Variants in ZNF14 observed in about 807,000 individuals in gnomAD.
ZNF14 encodes gonadotropin inducible transcription repressor-4.
ZNF14 carries 9 observed loss-of-function variants against 11.3 expected under a neutral mutation model. The ratio of observed to expected loss-of-function variants is 0.80; its 90% CI spans 0.48 to 1.39. The LOEUF (loss-of-function observed/expected upper bound fraction) is 1.39. ZNF14 is among the 40% of genes most tolerant of loss of function. ZNF14 has a pLI of 0.00. For missense variants in ZNF14, 711 were observed against 763.9 expected (o/e 0.93, Z 0.82); for synonymous variants, 239 against 245.7 (o/e 0.97, Z 0.25).
chr19:19,714,143 AC>A lies in ZNF14; in HGVS notation c.138del (p.Lys46AsnfsTer77). On this transcript the variant is annotated frameshift_variant, in exon 3 of 4. Coordinates refer to ENST00000344099, the MANE Select transcript of ZNF14 (RefSeq NM_021030.3). LOFTEE classifies it high-confidence loss of function. ...TCATCTTCAATGTCCTGGTCTTCCC[AC>A]TTTTTTCCTAAAATGCATACCCAGA... ...TFKNLVCLGK[K>X]WEDQDIEDDH... 6.2e-7 allele frequency: 1 copy of A among 1,612,874 alleles called. No homozygotes were observed. The highest frequency in any genetic ancestry group is 8.5e-7 in the Non-Finnish European group (1 of 1,179,618).
rs2062360246 is a variant in ZNF14 at position 19,711,603 on chromosome 19, G to C, written c.1678C>G (p.Gln560Glu). 1.2e-6 allele frequency: 2 copies of C among 1,613,684 alleles called. No homozygotes were observed. Among genetic ancestry groups the C allele is most frequent in the Admixed American group, 3.3e-5 (2 of 59,968 alleles). ...ERTHTGEKPY[Q>E]CKQCGKAFIS... ...AAGGCTTTTCCACATTGTTTACATT[G>C]ATACGGTTTCTCTCCAGTGTGAGTC... The change falls in exon 4 of 4, where the codon CAA becomes GAA. Residue 560 changes from glutamine to glutamate, a missense_variant. Transcript: ENST00000344099.
In ZNF14 at chr19:19,711,657, G is replaced by A. The variant is rs766275293; in HGVS notation, c.1624C>T (p.Arg542Cys). 9.3e-6 allele frequency: 15 copies of A among 1,613,072 alleles called. No individual in the cohort carries two copies. Among genetic ancestry groups the A allele is most frequent in the African/African-American group, 6.7e-5 (5 of 74,648 alleles). The change falls in exon 4 of 4, where the codon CGT becomes TGT. Residue 542 changes from arginine to cysteine, a missense_variant. By Grantham distance (180) the Arg-to-Cys change is radical (BLOSUM62 -3). Transcript: ENST00000344099. ...TCATGCAATCGAATTTGACTGGAAC[G>A]AAGGAAGGCCTTACCACATTGCTTA... ...ECKQCGKAFL[R>C]SSQIRLHERT...
rs2062409190 is a variant in ZNF14 at position 19,727,340 on chromosome 19, G to C, written c.3+5616C>G. ...TAGTTAATTTTTTTCTTTTTTTGTAGTGATGGGGTCTCCCTATGTTGCTGG... is the reference window on the plus strand; with the variant it reads ...TAGTTAATTTTTTTCTTTTTTTGTACTGATGGGGTCTCCCTATGTTGCTGG... On this transcript the variant is annotated intron_variant, in intron 1 of 3. Coordinates refer to ENST00000344099, the MANE Select transcript of ZNF14 (RefSeq NM_021030.3). 1.5e-5 allele frequency among the ~76,000 whole-genome samples: 2 copies of C among 133,126 alleles called. 1 individual carries two copies. The allele number at this position is 133,126 out of a possible 152,430, so 87.3% of individuals were successfully genotyped here.
rs142746958 is a variant in ZNF14 at position 19,716,188 on chromosome 19, A to C, written c.4-1701T>G. ...ACAAGCAGGGGCTAATGTGGATTGAATGTCTCACCAGCACCAAATGAGGGT... is the reference window on the plus strand; with the variant it reads ...ACAAGCAGGGGCTAATGTGGATTGACTGTCTCACCAGCACCAAATGAGGGT... On this transcript the variant is annotated intron_variant, in intron 1 of 3. Coordinates refer to ENST00000344099, the MANE Select transcript of ZNF14 (RefSeq NM_021030.3). Among the ~76,000 whole-genome samples the C allele has an allele frequency of 2.9e-3, 446 of 152,322 alleles. 8 individuals carry two copies. Among genetic ancestry groups the C allele is most frequent in the African/African-American group, 9.9e-3 (413 of 41,564 alleles).
At chr19:19,718,457 G>A (rs962507835) in intron 1 of ZNF14, among the ~76,000 whole-genome samples, 5 of 152,206 alleles carry the variant, frequency 3.3e-5, no homozygotes, top group Admixed American at 3.3e-4. Flanking sequence ...AACTGAAAAG[G>A]AGAAACAAGA....
intron 1 of ZNF14, among the ~76,000 whole-genome samples, chr19:19,730,190 A>AT (rs919409173): frequency 6.0e-5 from 9 of 151,056 alleles, no homozygotes; most frequent in South Asian, 2.1e-4. Flanking sequence ...GGCTCGGCTA[A>AT]TTTTTTTTTG....
chr19:19,732,732 G>A (rs1211006211), intron 1 of ZNF14, among the ~76,000 whole-genome samples: 4 of 152,220 alleles, frequency 2.6e-5, no homozygotes, highest in African/African-American at 4.8e-5. Flanking sequence ...TGCCCATAGA[G>A]GGCTCCAGGA....
rs971445257 is a variant in ZNF14 at position 19,724,374 on chromosome 19, C to T, written c.3+8582G>A. ...CATTCAGGAGCAGGTTGTTCAGTTT[C>T]GATGCAGTTGAGTGGTTTTGAGTTA... On this transcript the variant is annotated intron_variant, in intron 1 of 3. Transcript: ENST00000344099. Among the ~76,000 whole-genome samples, 7 of 134,172 alleles carry T rather than the reference C, an allele frequency of 5.2e-5. 2 individuals carry two copies. The highest frequency in any genetic ancestry group is 2.1e-4 in the East Asian group (1 of 4,760). 88.0% of individuals were successfully genotyped at this position (134,172 alleles called of 152,430 possible). A position where few individuals can be genotyped will look rare whatever the true frequency, so the allele number is the denominator to read the frequency against.
intron 1 of ZNF14, among the ~76,000 whole-genome samples, chr19:19,732,540 G>A (rs1351016413): frequency 1.3e-5 from 2 of 152,250 alleles, no homozygotes; most frequent in Admixed American, 1.3e-4. Flanking sequence ...GACCCCGGCA[G>A]CAAGGACCTA....
Position 19,712,029 on chromosome 19 carries a change from G to T in ZNF14, c.1252C>A (p.Pro418Thr). The T allele has an allele frequency of 6.2e-7, 1 of 1,613,992 alleles. No individual in the cohort carries two copies. The change falls in exon 4 of 4, where the codon CCC becomes ACC. Residue 418 changes from proline to threonine, a missense_variant. Physicochemically the swap from Pro to Thr is conservative, Grantham distance 38. Transcript: ENST00000344099. ...EHETTHTGEK[P>T]YECKQCGKTF... The stretch of plus-strand genomic sequence containing the variant: ...TTACCACATTGTTTACATTCATAGG[G>T]TTTCTCTCCAGTGTGAGTTGTTTCG...
Position 19,711,325 on chromosome 19 carries a change from G to A in ZNF14, c.*27C>T, listed in dbSNP as rs754995377. 6.6e-6 allele frequency: 10 copies of A among 1,525,658 alleles called. No homozygotes were observed. Among genetic ancestry groups the A allele is most frequent in the Middle Eastern group, 1.8e-4 (1 of 5,664 alleles). The allele number at this position is 1,525,658 out of a possible 1,614,324, so 94.5% of individuals were successfully genotyped here. ...GTATTCAGAAGGAGCTGGAACAACC[G>A]AAGGCTTCAGAATGTTGCTTATATT... On this transcript the variant is annotated 3_prime_UTR_variant, in exon 4 of 4. Coordinates refer to ENST00000344099, the MANE Select transcript of ZNF14 (RefSeq NM_021030.3).
rs3031866 is a variant in ZNF14 at position 19,714,713 on chromosome 19, C to CT, written c.4-227dup. ...TTTTTTCTTTTTCCTTTTTCTTTTT[C>CT]TTTTTTTTTTTTTTTTGAGACAGAG... On this transcript the variant is annotated intron_variant, in intron 1 of 3. Transcript: ENST00000344099. 7.1e-3 allele frequency among the ~76,000 whole-genome samples: 870 copies of CT among 122,808 alleles called. 15 individuals are homozygous for CT. Among genetic ancestry groups the CT allele is most frequent in the African/African-American group, 0.018 (614 of 33,840 alleles). 80.6% of individuals were successfully genotyped at this position (122,808 alleles called of 152,430 possible). A position where few individuals can be genotyped will look rare whatever the true frequency, so the allele number is the denominator to read the frequency against.
At chr19:19,731,547 G>A (rs527404778) in intron 1 of ZNF14, among the ~76,000 whole-genome samples, 13 of 151,970 alleles carry the variant, frequency 8.6e-5, no homozygotes, top group African/African-American at 3.1e-4. Context: ...TTGCACTCCA[G>A]CCTGGGCGAC....
chr19:19,723,372 G>C (rs145256009), intron 1 of ZNF14, among the ~76,000 whole-genome samples: 9,049 of 152,198 alleles, frequency 0.059, 395 homozygotes, highest in East Asian at 0.14. Context: ...CTGTTTATAT[G>C]ATGGATTACA....
intron 1 of ZNF14, among the ~76,000 whole-genome samples, chr19:19,723,255 A>C (rs935839039): frequency 2.6e-5 from 4 of 152,190 alleles, no homozygotes; most frequent in Non-Finnish European, 5.9e-5. Context: ...ACATCCAATC[A>C]ATACCTAGTT....
In ZNF14 at chr19:19,712,515, A is replaced by G. The variant is rs1470193272; in HGVS notation, c.766T>C (p.Cys256Arg). 2 of 1,613,222 alleles carry G rather than the reference A, an allele frequency of 1.2e-6. No homozygotes were observed. The highest frequency in any genetic ancestry group is 1.7e-5 in the Admixed American group (1 of 59,848). Reference sequence around the variant, plus strand: ...GTGGGACAACTGAAAGCCTTACCACATTGCTTACATTCATAGGGTTTCTCT... The same window carrying G: ...GTGGGACAACTGAAAGCCTTACCACGTTGCTTACATTCATAGGGTTTCTCT... The part of the protein sequence containing the change: ...TGEKPYECKQ[C>R]GKAFSCPTYF... Residue 256 changes from cysteine to arginine, a missense_variant, in exon 4 of 4, where the codon TGT becomes CGT. Cys to Arg is a radical substitution (Grantham distance 180). Transcript: ENST00000344099.
chr19:19,730,170 T>C (rs1171563564), intron 1 of ZNF14, among the ~76,000 whole-genome samples: 2 of 152,112 alleles, frequency 1.3e-5, no homozygotes, highest in African/African-American at 2.4e-5. Context: ...ATTACAGGTG[T>C]GTGCCACCAG....
intron 1 of ZNF14, among the ~76,000 whole-genome samples, chr19:19,730,521 A>G (rs1231305548): frequency 6.6e-6 from 1 of 152,202 alleles, no homozygotes; most frequent in Non-Finnish European, 1.5e-5. Flanking sequence ...TTAAAAACCA[A>G]TCTATTTACA....
chr19:19,714,034 C>T (rs1599468014), intron 3 of ZNF14, 57 bp downstream of exon 3: 4 of 1,510,692 alleles, frequency 2.6e-6, no homozygotes, highest in Non-Finnish European at 3.6e-6. Context: ...AATTGTTTTG[C>T]TTGCTTTCTT....
Sources: gnomAD v4.1 joint callset for allele counts (sites outside exome capture counted in the v4.1 genomes callset) on GRCh38, gnomAD v4.1.1 for gene constraint, MANE v1.5 for transcripts, NCBI Gene and HGNC (gene_info 2026-07-23, HGNC 2026-07-21) for gene names.